The following WDR47 variants were observed in gnomAD, a reference collection of about 807,000 sequenced individuals.
The protein encoded by WDR47 is WD repeat-containing protein 47.
In WDR47, 32 loss-of-function variants were observed where a neutral mutation model predicts 97.2. The ratio of observed to expected loss-of-function variants is 0.33; its 90% CI spans 0.25 to 0.44. The LOEUF is 0.44. WDR47 is among the 20% of genes least tolerant of loss of function. WDR47 has a pLI of 1.00. For missense variants in WDR47, 782 were observed against 1,102.3 expected (o/e 0.71, Z 4.11); for synonymous variants, 375 against 373.5 (o/e 1.00, Z -0.05).
chr1:109,023,285 T>A (rs551465833), intron 2 of WDR47, 70 bp downstream of exon 2: 1 of 1,447,432 alleles, frequency 6.9e-7, no homozygotes, highest in Non-Finnish European at 9.4e-7. Context: ...CTGTATTATA[T>A]ATATTACCTT....
At chr1:109,013,483 C>A (rs1360801892) in intron 4 of WDR47, among the ~76,000 whole-genome samples, 1 of 150,766 alleles carries the variant, frequency 6.6e-6, no homozygotes, top group East Asian at 1.9e-4. Flanking sequence ...AAAGACAATA[C>A]AGAAAAGACA....
chr1:109,023,275 C>T (rs1661980553), intron 2 of WDR47, 80 bp downstream of exon 2: 1 of 1,250,886 alleles, frequency 8.0e-7, no homozygotes, highest in Non-Finnish European at 1.1e-6. Flanking sequence ...AAAGTTCTAT[C>T]TGTATTATAT....
intron 8 of WDR47, among the ~76,000 whole-genome samples, chr1:108,994,397 C>CA (rs1040374467): frequency 2.0e-4 from 30 of 151,972 alleles, no homozygotes; most frequent in African/African-American, 4.3e-4. Context: ...AACTCCATCT[C>CA]AAAAAAACAA....
chr1:108,989,039 G>C (rs1274916390), intron 9 of WDR47, among the ~76,000 whole-genome samples: 1 of 152,136 alleles, frequency 6.6e-6, no homozygotes, highest in Non-Finnish European at 1.5e-5. Flanking sequence ...TTACAGGTGT[G>C]AGCCACCACG....
intron 12 of WDR47, 31 bp downstream of exon 12, chr1:108,982,578 A>T (rs1490999713): frequency 6.4e-7 from 1 of 1,557,066 alleles, no homozygotes; most frequent in Non-Finnish European, 8.6e-7. Context: ...GAACAAAAAG[A>T]AAAACAGCAC....
chr1:109,002,201 T>TC, intron 7 of WDR47, 23 bp downstream of exon 7: 1 of 1,530,936 alleles, frequency 6.5e-7, no homozygotes, highest in Non-Finnish European at 8.7e-7. Context: ...CTCCATATTT[T>TC]AAAAAGTGAT....
chr1:109,039,021 G>A (rs1663155291), intron 1 of WDR47, among the ~76,000 whole-genome samples: 1 of 151,000 alleles, frequency 6.6e-6, no homozygotes, highest in Non-Finnish European at 1.5e-5. Context: ...AATAAATATT[G>A]GAAAGTTCAC....
chr1:109,022,926 C>T (rs1434173098), intron 2 of WDR47, among the ~76,000 whole-genome samples: 2 of 148,322 alleles, frequency 1.3e-5, no homozygotes, highest in East Asian at 4.3e-4. Context: ...TTTTTTAGGT[C>T]GGGTGCGGTG....
intron 9 of WDR47, among the ~76,000 whole-genome samples, chr1:108,989,714 G>A (rs1186745073): frequency 6.6e-6 from 1 of 152,162 alleles, no homozygotes; most frequent in Non-Finnish European, 1.5e-5. Context: ...TTTTTTTTGA[G>A]ACAGAGTTTT....
chr1:109,025,017 T>C (rs1201338312), intron 1 of WDR47: 4 of 152,092 alleles, frequency 2.6e-5, no homozygotes, highest in Admixed American at 1.3e-4. Flanking sequence ...ACAAAAAATA[T>C]ATGTAGGCCC....
chr1:108,989,606 A>C (rs1659162076), intron 9 of WDR47, among the ~76,000 whole-genome samples: 1 of 152,220 alleles, frequency 6.6e-6, no homozygotes, highest in African/African-American at 2.4e-5. Flanking sequence ...CGACTAATTA[A>C]CTAAATGGCC....
chr1:109,038,200 G>A (rs1663094369), intron 1 of WDR47, among the ~76,000 whole-genome samples: 1 of 152,180 alleles, frequency 6.6e-6, no homozygotes, highest in Non-Finnish European at 1.5e-5. Flanking sequence ...GCTCCTAGCA[G>A]AGTGGCAAGC....
chr1:108,992,169 G>A (rs929113626), intron 8 of WDR47: 7 of 663,164 alleles, frequency 1.1e-5, no homozygotes, highest in East Asian at 2.7e-5. Flanking sequence ...ACAAGAGCAA[G>A]ATCTATTTTT....
Position 108,971,313 on chromosome 1 carries a change from G to A in WDR47, c.*117C>T. The A allele has an allele frequency of 8.0e-6, 11 of 1,366,484 alleles. No homozygotes were observed. The highest frequency in any genetic ancestry group is 1.0e-5 in the Non-Finnish European group (10 of 997,014). The allele number at this position is 1,366,484 out of a possible 1,614,324, so 84.6% of individuals were successfully genotyped here. A position where few individuals can be genotyped will look rare whatever the true frequency, so the allele number is the denominator to read the frequency against. Reference sequence around the variant, plus strand: ...ATCAGTGGGATACATGGTAATAAGGGGCCTCTTCGTGCTAAACCACTTTCC... The same window carrying A: ...ATCAGTGGGATACATGGTAATAAGGAGCCTCTTCGTGCTAAACCACTTTCC... On this transcript the variant is annotated 3_prime_UTR_variant, in exon 15 of 15. Coordinates refer to ENST00000369962, the MANE Select transcript of WDR47 (RefSeq NM_001142551.2).
intron 1 of WDR47, 91 bp from the exon 2 acceptor site, chr1:109,023,612 G>A: frequency 7.7e-7 from 1 of 1,291,930 alleles, no homozygotes; most frequent in Non-Finnish European, 1.1e-6. Flanking sequence ...AGGTTTACTG[G>A]GAATCTTTAG....
At chr1:109,003,124 T>C (rs1660337359) in intron 6 of WDR47, among the ~76,000 whole-genome samples, 1 of 152,218 alleles carries the variant, frequency 6.6e-6, no homozygotes, top group South Asian at 2.1e-4. Context: ...CGTATTCTGC[T>C]GTTGTTGAGT....
chr1:109,014,359 G>A (rs563911404), intron 3 of WDR47, among the ~76,000 whole-genome samples: 64 of 151,896 alleles, frequency 4.2e-4, no homozygotes, highest in Non-Finnish European at 1.5e-4. Flanking sequence ...AATAAAAAAT[G>A]GGGCTGAAAG....
chr1:109,018,498 T>C (rs1282105828), intron 2 of WDR47, among the ~76,000 whole-genome samples: 1 of 151,140 alleles, frequency 6.6e-6, no homozygotes, highest in East Asian at 2.0e-4. Context: ...CATCTTACAG[T>C]TTTAAAGCTA....
intron 1 of WDR47, among the ~76,000 whole-genome samples, chr1:109,037,845 AT>A (rs1351974712): frequency 2.0e-5 from 3 of 151,716 alleles, no homozygotes; most frequent in East Asian, 3.9e-4. Context: ...TTGTAGTACT[AT>A]TTTTTTCTAT....
Sources: gnomAD v4.1 joint callset for allele counts (sites outside exome capture counted in the v4.1 genomes callset) on GRCh38, gnomAD v4.1.1 for gene constraint, MANE v1.5 for transcripts, NCBI Gene and HGNC (gene_info 2026-07-23, HGNC 2026-07-21) for gene names.